Variants in SYCP1 observed in about 807,000 individuals in gnomAD.
The protein encoded by SYCP1 is cancer/testis antigen 8.
Under a neutral mutation model 153.1 loss-of-function variants are expected in SYCP1, and 64 were observed. That is an observed-to-expected ratio of 0.42 (90% CI 0.34 to 0.51). The LOEUF (loss-of-function observed/expected upper bound fraction) is 0.51, where lower values mean the gene tolerates loss of function less well. SYCP1 is among the 20% of genes least tolerant of loss of function. The pLI is 0.06. For missense variants in SYCP1, 997 were observed against 1,049.0 expected, an observed-to-expected ratio of 0.95 and a Z score of 0.68; for synonymous variants, 384 against 341.8, an observed-to-expected ratio of 1.12 and a Z score of -1.36.
At chr1:114,951,114 A>G (rs543004597) in intron 27 of SYCP1, among the ~76,000 whole-genome samples, 3 of 152,300 alleles carry the variant, frequency 2.0e-5, no homozygotes, top group Non-Finnish European at 2.9e-5. Context: ...GTGAGCCACC[A>G]CGCCCGGCCT....
At chr1:114,918,954 G>A (rs906297080) in intron 20 of SYCP1, among the ~76,000 whole-genome samples, 3 of 151,598 alleles carry the variant, frequency 2.0e-5, no homozygotes, top group Non-Finnish European at 4.4e-5. Flanking sequence ...ACATCTGCAC[G>A]CAAGGATAAT....
chr1:114,862,352 GTT>G (rs67029711), intron 8 of SYCP1, among the ~76,000 whole-genome samples: 151 of 140,308 alleles, frequency 1.1e-3, no homozygotes, highest in Non-Finnish European at 1.3e-3. Flanking sequence ...TTTGTTCTTT[GTT>G]TTTTTTTTTT....
chr1:114,892,062 C>G (rs1280644215), intron 15 of SYCP1, among the ~76,000 whole-genome samples: 1 of 152,078 alleles, frequency 6.6e-6, no homozygotes, highest in Non-Finnish European at 1.5e-5. Context: ...GCAGGCCTGG[C>G]TGACCCTTCA....
In SYCP1 at chr1:114,886,299, G is replaced by A. The variant is rs765949176; in HGVS notation, c.1180G>A (p.Glu394Lys). The A allele has an allele frequency of 6.5e-6, 10 of 1,538,428 alleles. No individual in the cohort carries two copies. The South Asian group carries it at 1.3e-4, about 20-fold the overall frequency. Reference sequence around the variant, plus strand: ...CAGCTTGGAAGAATTATTGAGAACAGAACAGCAAAGGTAAAATATTTATTA... The same window carrying A: ...CAGCTTGGAAGAATTATTGAGAACAAAACAGCAAAGGTAAAATATTTATTA... ...VCSLEELLRT[E>K]QQRLEKNEDQ... Residue 394 changes from glutamate to lysine, a missense_variant, in exon 14 of 32, where the codon GAA becomes AAA. Coordinates refer to ENST00000369522, the MANE Select transcript of SYCP1 (RefSeq NM_003176.4).
intron 2 of SYCP1, among the ~76,000 whole-genome samples, chr1:114,856,137 C>A (rs1663925435): frequency 6.6e-6 from 1 of 152,064 alleles, no homozygotes; most frequent in Non-Finnish European, 1.5e-5. Context: ...ATTGGAGATG[C>A]AATGATGCAA....
At chr1:114,991,006 C>G (rs1673880019) in intron 30 of SYCP1, among the ~76,000 whole-genome samples, 1 of 151,906 alleles carries the variant, frequency 6.6e-6, no homozygotes, top group Non-Finnish European at 1.5e-5. Context: ...TTATCTGTAT[C>G]CCTTGCATAC....
At chr1:114,977,423 CT>C (rs1672871011) in intron 27 of SYCP1, 133 bp from the exon 28 acceptor site, 1 of 537,530 alleles carries the variant, frequency 1.9e-6, no homozygotes, top group East Asian at 3.9e-5. Flanking sequence ...TCTTTTTTTT[CT>C]TTTTATTACT....
chr1:114,969,017 A>ACAGCAAAT (rs1381925955), intron 27 of SYCP1, among the ~76,000 whole-genome samples: 4 of 152,186 alleles, frequency 2.6e-5, no homozygotes. Flanking sequence ...AGGCTGCAGA[A>ACAGCAAAT]CAGCAAATAT....
intron 20 of SYCP1, among the ~76,000 whole-genome samples, chr1:114,914,959 A>G (rs975969544): frequency 6.6e-6 from 1 of 152,134 alleles, no homozygotes; most frequent in Non-Finnish European, 1.5e-5. Context: ...CATGCTATCA[A>G]GACACAGGAT....
intron 3 of SYCP1, 146 bp from the exon 4 acceptor site, chr1:114,857,086 G>T: frequency 1.0e-5 from 6 of 579,854 alleles, no homozygotes; most frequent in Non-Finnish European, 1.6e-5. Context: ...GAGCCATGAT[G>T]GGTCACTGCC....
chr1:114,982,292 T>C (rs1673207847), intron 29 of SYCP1, among the ~76,000 whole-genome samples: 1 of 151,996 alleles, frequency 6.6e-6, no homozygotes, highest in Admixed American at 6.6e-5. Context: ...TCTTGGGAGT[T>C]GAAAAGGATC....
chr1:114,993,567 T>C (rs566835142), intron 30 of SYCP1, among the ~76,000 whole-genome samples: 1 of 151,594 alleles, frequency 6.6e-6, no homozygotes, highest in South Asian at 2.1e-4. Flanking sequence ...ACCTACTTTA[T>C]AAAATTGTTA....
intron 16 of SYCP1, among the ~76,000 whole-genome samples, chr1:114,902,781 C>T (rs762120653): frequency 2.7e-4 from 39 of 142,584 alleles, no homozygotes; most frequent in East Asian, 3.9e-4. Flanking sequence ...ACTCTTGATG[C>T]CTCAGTTTTT....
chr1:114,916,553 G>T (rs360576), intron 20 of SYCP1, among the ~76,000 whole-genome samples: 89,330 of 151,418 alleles, frequency 0.59, 26,701 homozygotes, highest in African/African-American at 0.66. Context: ...GTGATTTTTA[G>T]TTTTTGGATA....
chr1:114,902,830 T>C (rs1490326284), intron 16 of SYCP1, among the ~76,000 whole-genome samples: 1 of 152,270 alleles, frequency 6.6e-6, no homozygotes, highest in South Asian at 2.1e-4. Context: ...ACATATTTCA[T>C]AGGGTGATTG....
intron 16 of SYCP1, among the ~76,000 whole-genome samples, chr1:114,899,234 G>A (rs1667260669): frequency 6.6e-6 from 1 of 152,182 alleles, no homozygotes; most frequent in Non-Finnish European, 1.5e-5. Flanking sequence ...CAGGCAGAGA[G>A]AAATAAACAT....
Position 114,913,989 on chromosome 1 carries a change from A to G in SYCP1, c.1662A>G (p.Gln554=). The G allele has an allele frequency of 6.4e-7, 1 of 1,568,094 alleles. No individual in the cohort carries two copies. The highest frequency in any genetic ancestry group is 8.6e-7 in the Non-Finnish European group (1 of 1,159,144). The change falls in exon 20 of 32, where the codon CAA becomes CAG. Residue 554 remains glutamine, a synonymous_variant. Transcript: ENST00000369522. ...QQEDINNNKK[Q]EERMLKQIEN... The stretch of plus-strand genomic sequence containing the variant: ...TATTTCTTTAGAATAACAAAAAGCA[A>G]GAAGAAAGGATGTTGAAACAAATAG...
At chr1:114,945,693 T>A (rs506934) in intron 25 of SYCP1, among the ~76,000 whole-genome samples, 75,431 of 151,588 alleles carry the variant, frequency 0.5, 19,972 homozygotes, top group Middle Eastern at 0.61. Context: ...CTTTAAGCTG[T>A]GTGGCAAGTC....
In SYCP1 at chr1:114,995,142, G is replaced by T; in HGVS notation, c.*123G>T. ...AGACTTAAAAAATACTTGCATGAAT[G>T]ATTTGTGTTTCTTTATATTTTTAGC... On this transcript the variant is annotated 3_prime_UTR_variant, in exon 32 of 32. Coordinates refer to ENST00000369522, the MANE Select transcript of SYCP1 (RefSeq NM_003176.4). 1.0e-6 allele frequency: 1 copy of T among 956,236 alleles called. No individual in the cohort carries two copies. The allele number at this position is 956,236 out of a possible 1,614,324, so 59.2% of individuals were successfully genotyped here.
Sources: gnomAD v4.1 joint callset for allele counts (sites outside exome capture counted in the v4.1 genomes callset) on GRCh38, gnomAD v4.1.1 for gene constraint, MANE v1.5 for transcripts, NCBI Gene and HGNC (gene_info 2026-07-23, HGNC 2026-07-21) for gene names.